Variants in AGPAT3 observed in about 807,000 individuals in gnomAD.
AGPAT3 encodes the protein 1-acyl-sn-glycerol-3-phosphate acyltransferase gamma.
In AGPAT3, 5 loss-of-function variants were observed where a neutral mutation model predicts 47.3. That is an observed-to-expected ratio of 0.11 (90% confidence interval 0.06 to 0.22). AGPAT3 has a LOEUF of 0.22. Among genes scored for constraint, AGPAT3 ranks in the 10% least tolerant of loss-of-function variants. The probability of loss-of-function intolerance (pLI) is 1.00; values close to 1 mark genes in which losing one functional copy is unlikely to be tolerated. For synonymous variants in AGPAT3, 212 were observed against 208.3 expected (o/e 1.02, Z -0.15); for missense variants, 315 against 493.0 (o/e 0.64, Z 3.42).
At chr21:43,884,187 C>A (rs563926210) in intron 1 of AGPAT3, among the ~76,000 whole-genome samples, 2 of 152,214 alleles carry the variant, frequency 1.3e-5, no homozygotes, top group South Asian at 2.1e-4. Flanking sequence ...GGAGGCCTGT[C>A]GAAAGTGTAG....
Position 43,899,561 on chromosome 21 carries a change from T to C in AGPAT3, c.-111-4396T>C, listed in dbSNP as rs546812075. 1.2e-4 allele frequency among the ~76,000 whole-genome samples: 18 copies of C among 152,230 alleles called. No homozygotes were observed. The South Asian group carries it at 3.7e-3, about 32-fold the overall frequency. ...GACGCCCTTGCCCTTACCGAGTGCGTTGGGGAGGGCTGGCAGACAGGGAGG... is the reference window on the plus strand; with the variant it reads ...GACGCCCTTGCCCTTACCGAGTGCGCTGGGGAGGGCTGGCAGACAGGGAGG... On this transcript the variant is annotated intron_variant, in intron 1 of 9. Coordinates refer to ENST00000291572, the MANE Select transcript of AGPAT3 (RefSeq NM_020132.5).
At chr21:43,979,625 T>C (rs940080118) in intron 8 of AGPAT3, among the ~76,000 whole-genome samples, 8 of 152,238 alleles carry the variant, frequency 5.3e-5, no homozygotes, top group Non-Finnish European at 1.2e-4. Flanking sequence ...GAAATGGCCT[T>C]GAAACCTGCC....
chr21:43,900,732 G>A (rs906570019), intron 1 of AGPAT3, among the ~76,000 whole-genome samples: 5 of 152,152 alleles, frequency 3.3e-5, no homozygotes, highest in African/African-American at 1.2e-4. Context: ...AGGGTGGGGT[G>A]AATCTGTGTG....
rs77915974 is a variant in AGPAT3, at chr21:43,950,043, C to T, written c.-48-9591C>T. Among the ~76,000 whole-genome samples, 582 of 152,348 alleles carry T rather than the reference C, an allele frequency of 3.8e-3. 3 individuals are homozygous for T. Among genetic ancestry groups the T allele is most frequent in the African/African-American group, 0.014 (569 of 41,582 alleles). ...GGCACCAGCCAGGCAGTCTTGGAAG[C>T]CTCGTGTTGAAGGTGGTGGAGCCCC... On this transcript the variant is annotated intron_variant, in intron 2 of 9. Coordinates refer to ENST00000291572, the MANE Select transcript of AGPAT3 (RefSeq NM_020132.5).
chr21:43,961,444 A>G (rs1189676180), intron 3 of AGPAT3, among the ~76,000 whole-genome samples: 1 of 150,006 alleles, frequency 6.7e-6, no homozygotes, highest in African/African-American at 2.5e-5. Flanking sequence ...ACTTTGTCTC[A>G]TGTGGGAAAG....
In AGPAT3 at chr21:43,939,939, C is replaced by T. The variant is rs1448467161; in HGVS notation, c.-48-19695C>T. Among the ~76,000 whole-genome samples the T allele has an allele frequency of 1.3e-5, 2 of 152,246 alleles. No homozygotes were observed. The highest frequency in any genetic ancestry group is 6.5e-5 in the Admixed American group (1 of 15,292). On this transcript the variant is annotated intron_variant, in intron 2 of 9. Transcript: ENST00000291572. The surrounding 1 kb of genome is among the most constrained non-coding windows in gnomAD (Gnocchi z 4.4). Reference sequence around the variant, plus strand: ...TAGCCGGTGCCCCGACGGCAGAGCCCGCAGCTGTGCGCAGGAGGACGAACC... The same window carrying T: ...TAGCCGGTGCCCCGACGGCAGAGCCTGCAGCTGTGCGCAGGAGGACGAACC...
chr21:43,944,489 C>A (rs1028250747), intron 2 of AGPAT3, among the ~76,000 whole-genome samples: 6 of 152,246 alleles, frequency 3.9e-5, no homozygotes, highest in African/African-American at 1.2e-4. Context: ...GAGGAGGCCG[C>A]GGGAGTCATC....
chr21:43,887,511 A>G (rs2086007574), intron 1 of AGPAT3, among the ~76,000 whole-genome samples: 1 of 152,216 alleles, frequency 6.6e-6, no homozygotes, highest in Admixed American at 6.5e-5. Flanking sequence ...AGACACACTG[A>G]AATATTTGGG....
chr21:43,910,135 C>T (rs1370324715), intron 2 of AGPAT3, among the ~76,000 whole-genome samples: 2 of 152,220 alleles, frequency 1.3e-5, no homozygotes, highest in East Asian at 1.9e-4. Context: ...GTGACTCACA[C>T]CTATCTCAGG....
rs370190151 is a variant in AGPAT3 at position 43,959,451 on chromosome 21, GGT to G, written c.-48-175_-48-174del. Among the ~76,000 whole-genome samples the G allele has an allele frequency of 8.2e-3, 1,183 of 144,982 alleles. 11 individuals are homozygous for G. The highest frequency in any genetic ancestry group is 0.027 in the African/African-American group (1,076 of 39,584). The stretch of plus-strand genomic sequence containing the variant: ...GTGGCGTGTGTGTGGTTTGCAGTGT[GGT>G]GTGTGTGGCATGTGTGTGGTTTGTA... On this transcript the variant is annotated intron_variant, in intron 2 of 9. Transcript: ENST00000291572.
rs937597384 is a variant in AGPAT3 at position 43,908,306 on chromosome 21, G to T, written c.-49+4287G>T. ...GCCCTGAGGACTCTGGGGAAGGAAT[G>T]CCTGTCGTGAGCGGAACCAGCCAAG... On this transcript the variant is annotated intron_variant, in intron 2 of 9. Transcript: ENST00000291572. The surrounding 1 kb of genome is among the most constrained non-coding windows in gnomAD (Gnocchi z 4.9). Among the ~76,000 whole-genome samples, 1 of 152,170 alleles carries T rather than the reference G, an allele frequency of 6.6e-6. No individual in the cohort carries two copies. The highest frequency in any genetic ancestry group is 2.1e-4 in the South Asian group (1 of 4,818).
In AGPAT3 at chr21:43,982,426, C is replaced by A; in HGVS notation, c.*34C>A. 6.7e-7 allele frequency: 1 copy of A among 1,503,346 alleles called. No individual in the cohort carries two copies. The highest frequency in any genetic ancestry group is 9.2e-7 in the Non-Finnish European group (1 of 1,082,368). 93.1% of individuals were successfully genotyped at this position (1,503,346 alleles called of 1,614,324 possible). On this transcript the variant is annotated 3_prime_UTR_variant, in exon 10 of 10. Coordinates refer to ENST00000291572, the MANE Select transcript of AGPAT3 (RefSeq NM_020132.5). The surrounding 1 kb of genome is among the most constrained non-coding windows in gnomAD (Gnocchi z 6.2). ...TGTGACTGAACACACGCGGCCCTGA[C>A]GGTGGTATCCAGTTAACTCAAAACC...
intron 1 of AGPAT3, among the ~76,000 whole-genome samples, chr21:43,881,952 C>CG (rs1223177971): frequency 6.6e-5 from 10 of 152,260 alleles, no homozygotes; most frequent in African/African-American, 2.4e-4. Context: ...CCACCATGCA[C>CG]GGCCTATTAA....
intron 2 of AGPAT3, among the ~76,000 whole-genome samples, chr21:43,926,608 T>C (rs2087060221): frequency 6.7e-6 from 1 of 148,226 alleles, no homozygotes; most frequent in Admixed American, 6.8e-5. Context: ...GTCGTGCTGC[T>C]GGGGTAGCTT....
At position 43,954,112 on chromosome 21, in the gene AGPAT3, G is replaced by A. The variant is rs1207452507; in HGVS notation, c.-48-5522G>A. On this transcript the variant is annotated intron_variant, in intron 2 of 9. Transcript: ENST00000291572. This position sits in a 1 kb window ranked among gnomAD's most constrained non-coding sequence, Gnocchi z 4.0. Reference sequence around the variant, plus strand: ...CATGGGCTCACGAGCAAATGCTCTAGGGGGCCACTGAGTCCAGGCCCCTCC... The same window carrying A: ...CATGGGCTCACGAGCAAATGCTCTAAGGGGCCACTGAGTCCAGGCCCCTCC... Among the ~76,000 whole-genome samples the A allele has an allele frequency of 1.3e-5, 2 of 152,246 alleles. No individual in the cohort carries two copies. The highest frequency in any genetic ancestry group is 6.5e-5 in the Admixed American group (1 of 15,288).
In AGPAT3 at chr21:43,970,627, T is replaced by G. The variant is rs2089354878; in HGVS notation, c.511-26T>G. ...CACCCACCCCAGCTGCTCTGTGGAGTGACCCTGTCTCCGTGTTGATCCTAG... is the reference window on the plus strand; with the variant it reads ...CACCCACCCCAGCTGCTCTGTGGAGGGACCCTGTCTCCGTGTTGATCCTAG... On this transcript the variant is annotated intron_variant, in intron 5 of 9. Coordinates refer to ENST00000291572, the MANE Select transcript of AGPAT3 (RefSeq NM_020132.5). The surrounding 1 kb of genome is among the most constrained non-coding windows in gnomAD (Gnocchi z 5.8). 6.2e-7 allele frequency: 1 copy of G among 1,611,340 alleles called. No homozygotes were observed.
chr21:43,982,818 T>C lies in AGPAT3; in HGVS notation c.*426T>C. On this transcript the variant is annotated 3_prime_UTR_variant, in exon 10 of 10. Transcript: ENST00000291572. This position sits in a 1 kb window ranked among gnomAD's most constrained non-coding sequence, Gnocchi z 6.2. The stretch of plus-strand genomic sequence containing the variant: ...AAACTGTCTCGTAATGAATTTCTGC[T>C]GTCCTCCTGGGAGTGGACGGCCGGG... The C allele has an allele frequency of 1.2e-5, 2 of 170,944 alleles. No homozygotes were observed. Among genetic ancestry groups the C allele is most frequent in the Non-Finnish European group, 2.5e-5 (2 of 80,886 alleles). The allele number at this position is 170,944 out of a possible 1,614,324, so 10.6% of individuals were successfully genotyped here. A position where few individuals can be genotyped will look rare whatever the true frequency, so the allele number is the denominator to read the frequency against.
intron 2 of AGPAT3, among the ~76,000 whole-genome samples, chr21:43,912,094 G>A (rs2086643089): frequency 6.6e-6 from 1 of 152,240 alleles, no homozygotes; most frequent in African/African-American, 2.4e-5. Context: ...GTCCTCACAG[G>A]CTCAGCTTGA....
At chr21:43,944,362 C>T (rs1168466914) in intron 2 of AGPAT3, among the ~76,000 whole-genome samples, 1 of 152,244 alleles carries the variant, frequency 6.6e-6, no homozygotes, top group Non-Finnish European at 1.5e-5. Context: ...TGCCTGGAAT[C>T]TGGAGCAGAG....
Sources: gnomAD v4.1 joint callset for allele counts (sites outside exome capture counted in the v4.1 genomes callset) on GRCh38, gnomAD v4.1.1 for gene constraint, Gnocchi (gnomAD v3.1) non-coding constraint, MANE v1.5 for transcripts, NCBI Gene and HGNC (gene_info 2026-07-23, HGNC 2026-07-21) for gene names.